SOX5: variants seen among roughly 807,000 people sequenced by gnomAD.
SOX5 encodes the protein transcription factor SOX-5.
Under a neutral mutation model 92.0 loss-of-function variants are expected in SOX5, and 9 were observed. The ratio of observed to expected loss-of-function variants is 0.10; its 90% CI spans 0.06 to 0.17. SOX5 has a LOEUF of 0.17. Among genes scored for constraint, SOX5 ranks in the 10% least tolerant of loss-of-function variants. The probability of loss-of-function intolerance (pLI) is 1.00; values close to 1 mark genes in which losing one functional copy is unlikely to be tolerated. For synonymous variants in SOX5, 344 were observed against 336.3 expected (o/e 1.02, Z -0.25); for missense variants, 642 against 944.5 (o/e 0.68, Z 4.20).
chr12:24,359,567 G>C (rs1173328088), intron 2 of SOX5, among the ~76,000 whole-genome samples: 6 of 152,208 alleles, frequency 3.9e-5, no homozygotes, highest in African/African-American at 1.4e-4. Context: ...TTTGGGAAGA[G>C]ATCTGAATAA....
intron 6 of SOX5, among the ~76,000 whole-genome samples, chr12:23,701,355 T>C (rs2090605166): frequency 7.2e-6 from 1 of 139,102 alleles, no homozygotes; most frequent in African/African-American, 3.2e-5. Flanking sequence ...TTTCTTGAAA[T>C]TTTTTTTTTA....
chr12:23,746,898 A>G (rs1461824367), intron 4 of SOX5, among the ~76,000 whole-genome samples: 1 of 152,072 alleles, frequency 6.6e-6, no homozygotes, highest in Non-Finnish European at 1.5e-5. Context: ...GTGATAGTGA[A>G]TAATTCTCAC....
upstream of SOX5, among the ~76,000 whole-genome samples, chr12:23,951,271 C>T (rs1444029477): frequency 1.3e-5 from 2 of 150,062 alleles, no homozygotes; most frequent in Non-Finnish European, 2.9e-5. Flanking sequence ...ACTGAACTCA[C>T]TTAAAAAAAA....
intron 1 of SOX5, among the ~76,000 whole-genome samples, chr12:24,450,470 TTTTATTTATTTATTTA>T (rs75555397): frequency 2.5e-4 from 37 of 145,870 alleles, no homozygotes; most frequent in African/African-American, 8.0e-4. Context: ...TGTGTATTTA[TTTTATTTATTTATTTA>T]TTTATTTATT....
chr12:24,097,970 T>C (rs1945627273), intron 4 of SOX5, among the ~76,000 whole-genome samples: 1 of 152,202 alleles, frequency 6.6e-6, no homozygotes, highest in Non-Finnish European at 1.5e-5. Flanking sequence ...TCTGAGAATC[T>C]ACACTATTCT....
intron 4 of SOX5, among the ~76,000 whole-genome samples, chr12:23,956,566 C>A (rs1027446356): frequency 5.3e-5 from 8 of 152,138 alleles, no homozygotes; most frequent in Non-Finnish European, 7.4e-5. Context: ...CCTCTCCCAC[C>A]CCCATGGAAA....
At chr12:23,929,186 C>A (rs1441676332) in intron 1 of SOX5, among the ~76,000 whole-genome samples, 1 of 151,620 alleles carries the variant, frequency 6.6e-6, no homozygotes, top group Non-Finnish European at 1.5e-5. Context: ...GCATTTCCTT[C>A]CAAATATGGA....
intron 11 of SOX5, among the ~76,000 whole-genome samples, chr12:23,553,453 C>T (rs563439074): frequency 6.6e-6 from 1 of 152,090 alleles, no homozygotes; most frequent in East Asian, 1.9e-4. Context: ...AAGAACTTTA[C>T]ACAGGAATAC....
intron 3 of SOX5, among the ~76,000 whole-genome samples, chr12:23,829,306 A>G (rs1369694670): frequency 6.6e-6 from 1 of 152,154 alleles, no homozygotes; most frequent in Non-Finnish European, 1.5e-5. Flanking sequence ...ACATGCACGC[A>G]CAGACACACA....
At chr12:23,862,172 G>C (rs1028466548) in intron 2 of SOX5, among the ~76,000 whole-genome samples, 2 of 152,066 alleles carry the variant, frequency 1.3e-5, no homozygotes. Flanking sequence ...GAAGCAAAGG[G>C]AATCACATGC....
intron 4 of SOX5, among the ~76,000 whole-genome samples, chr12:24,160,282 A>G (rs371515074): frequency 3.3e-5 from 5 of 152,094 alleles, no homozygotes; most frequent in Non-Finnish European, 7.4e-5. Flanking sequence ...TAACATCTAT[A>G]GTAGGAAAAA....
intron 2 of SOX5, among the ~76,000 whole-genome samples, chr12:23,892,627 T>A (rs1434848500): frequency 1.3e-5 from 2 of 152,104 alleles, no homozygotes; most frequent in African/African-American, 4.8e-5. Flanking sequence ...AGGTAACTCT[T>A]CCAACTATTT....
At chr12:24,056,930 C>G (rs1376806256) in intron 4 of SOX5, among the ~76,000 whole-genome samples, 3 of 131,426 alleles carry the variant, frequency 2.3e-5, no homozygotes, top group East Asian at 4.3e-4. Flanking sequence ...AGCCGAGATC[C>G]CGCCACTGCA....
At chr12:24,207,797 A>G (rs1958169287) in intron 4 of SOX5, among the ~76,000 whole-genome samples, 1 of 152,090 alleles carries the variant, frequency 6.6e-6, no homozygotes, top group Admixed American at 6.6e-5. Context: ...CCCTTCTTCC[A>G]CTAAGGAGGC....
chr12:24,031,199 T>TTTTA (rs1555484501), intron 4 of SOX5, among the ~76,000 whole-genome samples: 4 of 147,472 alleles, frequency 2.7e-5, no homozygotes, highest in South Asian at 2.1e-4. Flanking sequence ...CTGCTACTAG[T>TTTTA]TATATATATA....
At chr12:24,114,573 CAAAAA>C (rs55913110) in intron 4 of SOX5, among the ~76,000 whole-genome samples, 522 of 40,486 alleles carry the variant, frequency 0.013, no homozygotes, top group African/African-American at 0.021. Flanking sequence ...CACCCCGTCA[CAAAAA>C]AAAAAAAAAA....
intron 1 of SOX5, among the ~76,000 whole-genome samples, chr12:24,512,642 C>A (rs1490251561): frequency 6.6e-6 from 1 of 152,280 alleles, no homozygotes; most frequent in East Asian, 1.9e-4. Flanking sequence ...GAGCCAGATT[C>A]TAGTCTTAAC....
chr12:24,080,320 A>G (rs1194193701), intron 4 of SOX5, among the ~76,000 whole-genome samples: 3 of 151,974 alleles, frequency 2.0e-5, no homozygotes, highest in Admixed American at 6.6e-5. Context: ...TATGATTGCA[A>G]TGCTAACATA....
chr12:24,297,586 A>G (rs553436223), intron 2 of SOX5, among the ~76,000 whole-genome samples: 132 of 152,350 alleles, frequency 8.7e-4, no homozygotes, highest in African/African-American at 3.0e-3. Flanking sequence ...ATAGCTGGCA[A>G]ATGACTCAAC....
Sources: gnomAD v4.1 joint callset for allele counts (sites outside exome capture counted in the v4.1 genomes callset) on GRCh38, gnomAD v4.1.1 for gene constraint, MANE v1.5 for transcripts, NCBI Gene and HGNC (gene_info 2026-07-23, HGNC 2026-07-21) for gene names.